SCAPER: variants seen among roughly 807,000 people sequenced by gnomAD.
SCAPER encodes S phase cyclin A-associated protein in the endoplasmic reticulum.
In SCAPER, 98 loss-of-function variants were observed where a neutral mutation model predicts 182.2. The observed-to-expected ratio is 0.54, with a 90% CI of 0.46 to 0.64. The LOEUF is 0.64. SCAPER is among the 30% of genes least tolerant of loss of function. The pLI, the probability that SCAPER is intolerant of heterozygous loss-of-function variation, is 0.00. For missense variants in SCAPER, 1,432 were observed against 1,690.0 expected (o/e 0.85, Z 2.68); for synonymous variants, 605 against 564.6 (o/e 1.07, Z -1.01).
chr15:76,533,808 A>C (rs1180393502), intron 23 of SCAPER, among the ~76,000 whole-genome samples: 2 of 152,114 alleles, frequency 1.3e-5, no homozygotes, highest in Non-Finnish European at 2.9e-5. Flanking sequence ...ATCTATCAGC[A>C]CACTTTTCTG....
chr15:76,897,943 G>GT (rs1405924653), intron 1 of SCAPER, among the ~76,000 whole-genome samples: 4 of 151,938 alleles, frequency 2.6e-5, no homozygotes. Context: ...AATAATAAAC[G>GT]TAAGTAGGAG....
At chr15:76,677,437 C>G (rs1165255513) in intron 20 of SCAPER, among the ~76,000 whole-genome samples, 1 of 151,954 alleles carries the variant, frequency 6.6e-6, no homozygotes, top group East Asian at 1.9e-4. Flanking sequence ...ACTGACTTCT[C>G]TAGGCATCAG....
intron 9 of SCAPER, among the ~76,000 whole-genome samples, chr15:76,772,898 C>T (rs1007675527): frequency 1.6e-4 from 25 of 151,788 alleles, no homozygotes; most frequent in African/African-American, 6.0e-4. Flanking sequence ...CTGCAGTGGC[C>T]ATAAACCTCC....
At chr15:76,496,151 T>C (rs1210794851) in intron 24 of SCAPER, among the ~76,000 whole-genome samples, 2 of 151,904 alleles carry the variant, frequency 1.3e-5, no homozygotes, top group Non-Finnish European at 2.9e-5. Context: ...CACCTTAACC[T>C]CACTTTCATA....
chr15:76,413,041 G>A (rs980675903), intron 26 of SCAPER, among the ~76,000 whole-genome samples: 1 of 151,926 alleles, frequency 6.6e-6, no homozygotes, highest in Non-Finnish European at 1.5e-5. Context: ...TATACATAGC[G>A]ATATGACTGA....
At chr15:76,416,042 G>C (rs1169230328) in intron 26 of SCAPER, among the ~76,000 whole-genome samples, 1 of 152,066 alleles carries the variant, frequency 6.6e-6, no homozygotes, top group African/African-American at 2.4e-5. Flanking sequence ...TTAATGTTCT[G>C]AATATATAAA....
At chr15:76,876,182 GC>G (rs2073144711) in intron 2 of SCAPER, among the ~76,000 whole-genome samples, 1 of 152,082 alleles carries the variant, frequency 6.6e-6, no homozygotes, top group Non-Finnish European at 1.5e-5. Context: ...CCTGGTTCCC[GC>G]CCGTGCCTCT....
intron 20 of SCAPER, among the ~76,000 whole-genome samples, chr15:76,695,013 A>G (rs1340404849): frequency 6.6e-6 from 1 of 152,196 alleles, no homozygotes; most frequent in Non-Finnish European, 1.5e-5. Flanking sequence ...ATCTTATAAA[A>G]TTAGAGAAAG....
At chr15:76,665,895 G>A in intron 20 of SCAPER, 106 bp from the exon 21 acceptor site, 1 of 912,994 alleles carries the variant, frequency 1.1e-6, no homozygotes, top group Non-Finnish European at 1.5e-6. Flanking sequence ...GAAACTAAAA[G>A]TAATCTCCGT....
chr15:76,817,183 G>A (rs2067157128), intron 5 of SCAPER, among the ~76,000 whole-genome samples: 1 of 152,132 alleles, frequency 6.6e-6, no homozygotes, highest in Non-Finnish European at 1.5e-5. Flanking sequence ...GTCAGCTGTT[G>A]ATTGAAACAC....
chr15:76,408,097 T>A (rs1177254788), intron 26 of SCAPER, among the ~76,000 whole-genome samples: 1 of 152,238 alleles, frequency 6.6e-6, no homozygotes, highest in Non-Finnish European at 1.5e-5. Flanking sequence ...TAAATAGTTT[T>A]TTTTAAAATT....
At chr15:76,741,128 CTAAAA>C (rs961503518) in intron 15 of SCAPER, among the ~76,000 whole-genome samples, 4 of 152,026 alleles carry the variant, frequency 2.6e-5, no homozygotes, top group African/African-American at 9.7e-5. Flanking sequence ...TAAAATGGAA[CTAAAA>C]TAAAGATTAA....
intron 5 of SCAPER, among the ~76,000 whole-genome samples, chr15:76,819,082 G>A (rs985025650): frequency 7.2e-5 from 11 of 152,198 alleles, no homozygotes; most frequent in African/African-American, 1.4e-4. Context: ...TAAACAAAGC[G>A]GCCAGGAAGC....
intron 20 of SCAPER, among the ~76,000 whole-genome samples, chr15:76,689,612 C>T (rs1444953993): frequency 6.6e-6 from 1 of 151,660 alleles, no homozygotes; most frequent in African/African-American, 2.4e-5. Flanking sequence ...AACCTGAGGG[C>T]CTAGAAGTAG....
At chr15:76,455,576 C>T (rs1374535956) in intron 25 of SCAPER, among the ~76,000 whole-genome samples, 1 of 152,176 alleles carries the variant, frequency 6.6e-6, no homozygotes, top group East Asian at 1.9e-4. Flanking sequence ...CTCTTGTGCT[C>T]AAGCAATTCT....
chr15:76,500,648 T>C (rs2041024919), intron 24 of SCAPER, among the ~76,000 whole-genome samples: 1 of 152,178 alleles, frequency 6.6e-6, no homozygotes, highest in Non-Finnish European at 1.5e-5. Context: ...GGGCCATTCT[T>C]TATGCTCAAA....
chr15:76,731,590 T>A (rs540018853), intron 16 of SCAPER, among the ~76,000 whole-genome samples: 1 of 152,236 alleles, frequency 6.6e-6, no homozygotes, highest in Non-Finnish European at 1.5e-5. Context: ...TACAGAATAC[T>A]TGGCACTAGT....
intron 5 of SCAPER, among the ~76,000 whole-genome samples, chr15:76,813,637 A>G (rs1598878137): frequency 6.6e-6 from 1 of 152,192 alleles, no homozygotes; most frequent in East Asian, 1.9e-4. Flanking sequence ...ATCAACATTC[A>G]AAAAATCTGT....
Position 76,535,984 on chromosome 15 carries a change from G to C in SCAPER, c.2839-31010C>G, listed in dbSNP as rs557033064. On this transcript the variant is annotated intron_variant, in intron 23 of 31. Coordinates refer to ENST00000563290, the MANE Select transcript of SCAPER (RefSeq NM_020843.4). The stretch of plus-strand genomic sequence containing the variant: ...TGTTACTTAAATTTTAACATTCTAT[G>C]GTTTTCTTCCAGTAATTTGTAGGCT... Among the ~76,000 whole-genome samples, 4 of 152,156 alleles carry C rather than the reference G, an allele frequency of 2.6e-5. No individual in the cohort carries two copies. The South Asian group carries it at 8.3e-4, about 32-fold the overall frequency.
Sources: gnomAD v4.1 joint callset for allele counts (sites outside exome capture counted in the v4.1 genomes callset) on GRCh38, gnomAD v4.1.1 for gene constraint, MANE v1.5 for transcripts, NCBI Gene and HGNC (gene_info 2026-07-23, HGNC 2026-07-21) for gene names.